ITPR2: variants seen among roughly 807,000 people sequenced by gnomAD.
ITPR2 encodes inositol 1,4,5-trisphosphate receptor type 2, also known as inositol 1,4,5-trisphosphate-gated calcium channel ITPR2.
A neutral mutation model predicts 317.1 loss-of-function variants in ITPR2; 207 were observed. The observed-to-expected ratio is 0.65, with a 90% confidence interval of 0.58 to 0.73. ITPR2 has a LOEUF of 0.73. Ranked by LOEUF, ITPR2 falls within the 30% of genes least tolerant of loss-of-function variation. ITPR2 has a pLI of 0.00. For missense variants in ITPR2, 2,613 were observed against 3,284.0 expected (o/e 0.80, Z 4.99); for synonymous variants, 1,156 against 1,149.1 (o/e 1.01, Z -0.12).
chr12:26,422,492 A>G (rs1432416507), intron 49 of ITPR2, among the ~76,000 whole-genome samples: 2 of 152,132 alleles, frequency 1.3e-5, no homozygotes, highest in South Asian at 2.1e-4. Context: ...AATCTTGGCT[A>G]TGCTACTAAT....
At chr12:26,697,637 C>T (rs749899243) in intron 9 of ITPR2, among the ~76,000 whole-genome samples, 1 of 151,958 alleles carries the variant, frequency 6.6e-6, no homozygotes, top group African/African-American at 2.4e-5. Context: ...GGTAAGACCC[C>T]GTCTCTACTA....
At chr12:26,381,096 G>T (rs900714787) in intron 55 of ITPR2, among the ~76,000 whole-genome samples, 1 of 152,224 alleles carries the variant, frequency 6.6e-6, no homozygotes, top group African/African-American at 2.4e-5. Flanking sequence ...GGGAGGGAGA[G>T]GCTGGGTTGG....
chr12:26,726,786 T>C lies in ITPR2; in HGVS notation c.164-1021A>G, dbSNP rs537351807. Among the ~76,000 whole-genome samples, 208 of 152,320 alleles carry C rather than the reference T, an allele frequency of 1.4e-3. 3 individuals carry two copies. Among genetic ancestry groups the C allele is most frequent in the African/African-American group, 5.8e-4 (24 of 41,574 alleles). On this transcript the variant is annotated intron_variant, in intron 2 of 56. Transcript: ENST00000381340. ...AAATTAATTGTATTTAAAAAGATGA[T>C]ACCTTTTCAAATATCACTTTTTCAT... is the stretch of plus-strand genomic sequence containing the variant.
At chr12:26,589,853 T>TATATACAC (rs780511857) in intron 32 of ITPR2, among the ~76,000 whole-genome samples, 784 of 57,344 alleles carry the variant, frequency 0.014, 31 homozygotes, top group Non-Finnish European at 0.017. Context: ...TATATATATA[T>TATATACAC]ACACACACAC....
rs1202379307 is a variant in ITPR2, at chr12:26,556,560, T to G, written c.4822-185A>C. ...AAGAATATTGCCTGGGTCTCTATTTTTTTTTTTGTGTGTGTGTGTGTGTGT... is the reference window on the plus strand; with the variant it reads ...AAGAATATTGCCTGGGTCTCTATTTGTTTTTTTGTGTGTGTGTGTGTGTGT... On this transcript the variant is annotated intron_variant, in intron 35 of 56. Transcript: ENST00000381340. Among the ~76,000 whole-genome samples, 13 of 65,032 alleles carry G rather than the reference T, an allele frequency of 2.0e-4. 1 individual carries two copies. The highest frequency in any genetic ancestry group is 4.3e-4 in the African/African-American group (9 of 20,736). The allele number at this position is 65,032 out of a possible 152,430, so 42.7% of individuals were successfully genotyped here.
At chr12:26,744,469 C>T (rs1054319373) in intron 2 of ITPR2, among the ~76,000 whole-genome samples, 7 of 152,228 alleles carry the variant, frequency 4.6e-5, no homozygotes, top group African/African-American at 1.7e-4. Flanking sequence ...CCTGGCACTG[C>T]AAACACAGCA....
intron 2 of ITPR2, among the ~76,000 whole-genome samples, chr12:26,761,520 A>G (rs1276654086): frequency 2.6e-5 from 4 of 152,252 alleles, no homozygotes; most frequent in African/African-American, 9.6e-5. Context: ...TGAGGTGGGC[A>G]TGGTGCCTTG....
chr12:26,557,696 T>G (rs75497578), intron 35 of ITPR2, among the ~76,000 whole-genome samples: 183 of 152,362 alleles, frequency 1.2e-3, no homozygotes, highest in African/African-American at 4.4e-3. Flanking sequence ...TGTGAAATGA[T>G]ATGGTCTTTA....
chr12:26,379,362 G>A (rs1229007169), intron 55 of ITPR2, among the ~76,000 whole-genome samples: 1 of 152,172 alleles, frequency 6.6e-6, no homozygotes, highest in East Asian at 1.9e-4. Flanking sequence ...TAGTGGTAGT[G>A]TTGTTAGTGG....
intron 37 of ITPR2, among the ~76,000 whole-genome samples, chr12:26,537,310 G>A (rs1944124519): frequency 6.6e-6 from 1 of 152,142 alleles, no homozygotes; most frequent in African/African-American, 2.4e-5. Context: ...AGAGGATGGG[G>A]GACTCTTTGC....
At chr12:26,639,706 T>C (rs1241427693) in intron 21 of ITPR2, among the ~76,000 whole-genome samples, 2 of 147,176 alleles carry the variant, frequency 1.4e-5, no homozygotes, top group African/African-American at 5.0e-5. Context: ...CACCTATGAG[T>C]GAGAATATGC....
At chr12:26,604,722 C>T (rs1398395409) in intron 26 of ITPR2, among the ~76,000 whole-genome samples, 1 of 152,186 alleles carries the variant, frequency 6.6e-6, no homozygotes, top group African/African-American at 2.4e-5. Flanking sequence ...AGCAGTCCAA[C>T]CACCACTCCA....
At chr12:26,609,605 A>G (rs989388260) in intron 26 of ITPR2, among the ~76,000 whole-genome samples, 2 of 148,518 alleles carry the variant, frequency 1.3e-5, no homozygotes, top group Non-Finnish European at 3.0e-5. Context: ...CCCTGTCTAC[A>G]ACAAAAAGAA....
intron 10 of ITPR2, among the ~76,000 whole-genome samples, chr12:26,693,995 C>T (rs776432617): frequency 4.6e-5 from 7 of 152,132 alleles, no homozygotes; most frequent in Non-Finnish European, 1.0e-4. Context: ...CAAGGCCACA[C>T]AAGTTAATGG....
intron 9 of ITPR2, among the ~76,000 whole-genome samples, chr12:26,704,760 C>CT (rs940366892): frequency 1.6e-4 from 25 of 152,142 alleles, no homozygotes; most frequent in African/African-American, 5.5e-4. Flanking sequence ...ACATTCTTAA[C>CT]TTTTTTTACA....
intron 9 of ITPR2, among the ~76,000 whole-genome samples, chr12:26,705,530 C>T (rs559502484): frequency 3.9e-5 from 6 of 152,132 alleles, no homozygotes; most frequent in African/African-American, 9.7e-5. Context: ...ATCTTACCTG[C>T]GCTCTGAAAA....
intron 37 of ITPR2, among the ~76,000 whole-genome samples, chr12:26,503,190 AACACACACACAC>A (rs57271500): frequency 7.2e-6 from 1 of 139,122 alleles, no homozygotes; most frequent in Admixed American, 7.3e-5. Flanking sequence ...GCCCCCCACC[AACACACACACAC>A]ACACACACAC....
At chr12:26,684,938 A>C (rs1948098388) in intron 11 of ITPR2, among the ~76,000 whole-genome samples, 1 of 151,530 alleles carries the variant, frequency 6.6e-6, no homozygotes, top group Admixed American at 6.6e-5. Context: ...TATTGATGGA[A>C]AAAAAAAAGA....
At chr12:26,423,424 T>C (rs1223554325) in intron 49 of ITPR2, among the ~76,000 whole-genome samples, 2 of 152,142 alleles carry the variant, frequency 1.3e-5, no homozygotes, top group Non-Finnish European at 1.5e-5. Context: ...CTCCATTTGC[T>C]CCTTCTCTCT....
Sources: gnomAD v4.1 joint callset for allele counts (sites outside exome capture counted in the v4.1 genomes callset) on GRCh38, gnomAD v4.1.1 for gene constraint, MANE v1.5 for transcripts, NCBI Gene and HGNC (gene_info 2026-07-23, HGNC 2026-07-21) for gene names.